The following TAF1B variants were observed in gnomAD, a reference collection of about 807,000 sequenced individuals.
TAF1B encodes the protein TATA-box binding protein associated factor, RNA polymerase I subunit B, also known as TATA box-binding protein-associated factor RNA polymerase I subunit B.
A neutral mutation model predicts 83.9 loss-of-function variants in TAF1B; 61 were observed. The observed-to-expected ratio is 0.73, with a 90% CI of 0.59 to 0.90. TAF1B has a LOEUF of 0.90. Among genes scored for constraint, TAF1B ranks in the 40% least tolerant of loss-of-function variants. TAF1B has a pLI of 0.00. For synonymous variants in TAF1B, 221 were observed against 224.6 expected (o/e 0.98, Z 0.14); for missense variants, 625 against 677.0 (o/e 0.92, Z 0.85).
At chr2:9,932,959 G>T (rs1666262690) in intron 14 of TAF1B, among the ~76,000 whole-genome samples, 1 of 152,226 alleles carries the variant, frequency 6.6e-6, no homozygotes, top group Non-Finnish European at 1.5e-5. Flanking sequence ...AAGGCTCCGT[G>T]GGCGAGGGAC....
chr2:9,857,088 A>G (rs929853939), intron 5 of TAF1B, among the ~76,000 whole-genome samples: 1 of 152,166 alleles, frequency 6.6e-6, no homozygotes, highest in African/African-American at 2.4e-5. Context: ...GAAGGGTGCT[A>G]TTTAATAAAA....
At chr2:9,845,103 C>A in intron 1 of TAF1B, 117 bp from the exon 2 acceptor site, 1 of 622,806 alleles carries the variant, frequency 1.6e-6, no homozygotes, top group Non-Finnish European at 2.7e-6. Context: ...TTTTTATTGT[C>A]TATGATTTTT....
intron 5 of TAF1B, 75 bp downstream of exon 5, chr2:9,854,496 C>A: frequency 9.6e-7 from 1 of 1,043,468 alleles, no homozygotes; most frequent in Non-Finnish European, 1.5e-6. Context: ...GGTTCATGAC[C>A]AGTTTGAGTA....
At chr2:9,894,969 AT>A (rs1190484965) in intron 8 of TAF1B, among the ~76,000 whole-genome samples, 1 of 152,238 alleles carries the variant, frequency 6.6e-6, no homozygotes, top group African/African-American at 2.4e-5. Context: ...GAGGACTCCA[AT>A]AGGTTTTTAC....
chr2:9,865,956 C>A (rs538314852), intron 5 of TAF1B, among the ~76,000 whole-genome samples: 42 of 151,294 alleles, frequency 2.8e-4, no homozygotes, highest in East Asian at 1.5e-3. Flanking sequence ...TAAAGACTTA[C>A]ATGTTAGACC....
chr2:9,920,114 T>A (rs1665824469), intron 14 of TAF1B, among the ~76,000 whole-genome samples: 1 of 152,242 alleles, frequency 6.6e-6, no homozygotes, highest in Non-Finnish European at 1.5e-5. Flanking sequence ...TTAGTACATA[T>A]CACTTCTCTG....
intron 2 of TAF1B, among the ~76,000 whole-genome samples, chr2:9,848,172 T>C (rs1180634969): frequency 6.6e-6 from 1 of 152,208 alleles, no homozygotes; most frequent in Non-Finnish European, 1.5e-5. Context: ...GTTTTCAGTG[T>C]GGCCAACCCA....
At chr2:9,926,561 AG>A (rs1482819163) in intron 14 of TAF1B, among the ~76,000 whole-genome samples, 1 of 152,154 alleles carries the variant, frequency 6.6e-6, no homozygotes, top group African/African-American at 2.4e-5. Flanking sequence ...AGTTATGGCC[AG>A]GTGCGGTGGC....
rs76097086 is a variant in TAF1B, at chr2:9,884,751, C to G, written c.807+1946C>G. Among the ~76,000 whole-genome samples the G allele has an allele frequency of 2.6e-3, 390 of 152,286 alleles. 3 individuals are homozygous for G. The highest frequency in any genetic ancestry group is 9.2e-3 in the African/African-American group (382 of 41,552). On this transcript the variant is annotated intron_variant, in intron 8 of 14. Coordinates refer to ENST00000263663, the MANE Select transcript of TAF1B (RefSeq NM_005680.3). ...GGGGGCCCTGGAGTGGGTTGCTTCTCTCTAAAGCTGGTCATCCCTTCTGAG... is the reference window on the plus strand; with the variant it reads ...GGGGGCCCTGGAGTGGGTTGCTTCTGTCTAAAGCTGGTCATCCCTTCTGAG...
chr2:9,876,040 A>T, intron 7 of TAF1B, 22 bp downstream of exon 7: 1 of 1,573,820 alleles, frequency 6.4e-7, no homozygotes, highest in African/African-American at 1.3e-5. Context: ...CTCTTGTATG[A>T]TAATATTTTT....
At chr2:9,867,566 TAAGATC>T (rs1451912712) in intron 5 of TAF1B, among the ~76,000 whole-genome samples, 2 of 152,256 alleles carry the variant, frequency 1.3e-5, no homozygotes, top group African/African-American at 4.8e-5. Context: ...CTTCCTGTAA[TAAGATC>T]AAGTTTCTTG....
intron 9 of TAF1B, among the ~76,000 whole-genome samples, chr2:9,907,534 CG>C (rs899408393): frequency 6.6e-6 from 1 of 151,906 alleles, no homozygotes; most frequent in Non-Finnish European, 1.5e-5. Context: ...CTCTGGGGCT[CG>C]GGGAAAGCTT....
intron 14 of TAF1B, among the ~76,000 whole-genome samples, chr2:9,925,822 G>A (rs575859081): frequency 4.6e-5 from 7 of 152,086 alleles, no homozygotes; most frequent in Non-Finnish European, 8.8e-5. Context: ...TGATCTGCCC[G>A]CCTCGGCCTC....
At chr2:9,898,344 T>C (rs1019110733) in intron 8 of TAF1B, among the ~76,000 whole-genome samples, 6 of 152,234 alleles carry the variant, frequency 3.9e-5, no homozygotes, top group African/African-American at 1.4e-4. Context: ...GATTACGCTT[T>C]GAGCAGTGCA....
Position 9,876,090 on chromosome 2 carries a change from T to C in TAF1B, c.707+72T>C, listed in dbSNP as rs1253119021. 7.6e-6 allele frequency: 11 copies of C among 1,445,418 alleles called. No homozygotes were observed. The South Asian group carries it at 1.2e-4, about 16-fold the overall frequency. The allele number at this position is 1,445,418 out of a possible 1,614,324, so 89.5% of individuals were successfully genotyped here. ...GAACTAAGTAGACAAACTTCGGATA[T>C]TTTGATTTTTATAAGAAGGCTTAAC... On this transcript the variant is annotated intron_variant, in intron 7 of 14. Coordinates refer to ENST00000263663, the MANE Select transcript of TAF1B (RefSeq NM_005680.3).
chr2:9,860,980 G>A (rs1572221958), intron 5 of TAF1B, among the ~76,000 whole-genome samples: 1 of 152,314 alleles, frequency 6.6e-6, no homozygotes, highest in Non-Finnish European at 1.5e-5. Flanking sequence ...AGCCAAGATG[G>A]CCAAATAGGA....
intron 8 of TAF1B, among the ~76,000 whole-genome samples, chr2:9,889,603 A>C (rs1048169707): frequency 2.6e-5 from 4 of 152,218 alleles, no homozygotes; most frequent in Non-Finnish European, 5.9e-5. Flanking sequence ...GTTATGTATC[A>C]TATTTTCCTG....
chr2:9,901,357 CTT>C (rs953493046), intron 8 of TAF1B, among the ~76,000 whole-genome samples: 7 of 136,700 alleles, frequency 5.1e-5, no homozygotes, highest in African/African-American at 1.7e-4. Context: ...GATATGCACA[CTT>C]AATAATTATT....
chr2:9,902,562 T>TTACA (rs1455694259), intron 8 of TAF1B, among the ~76,000 whole-genome samples: 10 of 152,246 alleles, frequency 6.6e-5, no homozygotes, highest in Admixed American at 4.6e-4. Context: ...TGATTCATTG[T>TTACA]TACATGTAGC....
Sources: gnomAD v4.1 joint callset for allele counts (sites outside exome capture counted in the v4.1 genomes callset) on GRCh38, gnomAD v4.1.1 for gene constraint, MANE v1.5 for transcripts, NCBI Gene and HGNC (gene_info 2026-07-23, HGNC 2026-07-21) for gene names.